The following TNFSF8 variants were observed in gnomAD, a reference collection of about 807,000 sequenced individuals.
TNFSF8 encodes tumor necrosis factor ligand superfamily member 8.
Under a neutral mutation model 22.0 loss-of-function variants are expected in TNFSF8, and 4 were observed. The observed-to-expected ratio is 0.18, with a 90% CI of 0.09 to 0.42. TNFSF8 has a LOEUF of 0.42. Ranked by LOEUF, TNFSF8 falls within the 10% of genes least tolerant of loss-of-function variation. The pLI, the probability that TNFSF8 is intolerant of heterozygous loss-of-function variation, is 1.00. For missense variants in TNFSF8, 233 were observed against 281.8 expected, an observed-to-expected ratio of 0.83 and a Z score of 1.24; for synonymous variants, 106 against 112.5, an observed-to-expected ratio of 0.94 and a Z score of 0.37.
chr9:114,915,900 T>C (rs1030435421), intron 2 of TNFSF8, among the ~76,000 whole-genome samples: 9 of 152,180 alleles, frequency 5.9e-5, no homozygotes, highest in South Asian at 2.1e-4. Context: ...TGTGGAAACA[T>C]TGAATTGTAA....
chr9:114,920,865 C>T (rs1012956911), intron 1 of TNFSF8, among the ~76,000 whole-genome samples: 2 of 152,104 alleles, frequency 1.3e-5, no homozygotes, highest in African/African-American at 2.4e-5. Flanking sequence ...GACGGGATTT[C>T]GCCATGTTGA....
intron 2 of TNFSF8, among the ~76,000 whole-genome samples, chr9:114,916,892 C>T (rs1421353159): frequency 6.6e-6 from 1 of 152,174 alleles, no homozygotes; most frequent in African/African-American, 2.4e-5. Context: ...TACTATGCTC[C>T]TTTTAATATT....
chr9:114,905,702 A>G lies in TNFSF8; in HGVS notation c.310+126T>C. The G allele has an allele frequency of 7.7e-6, 6 of 774,416 alleles. No homozygotes were observed. The South Asian group carries it at 8.8e-5, about 11-fold the overall frequency. The allele number at this position is 774,416 out of a possible 1,614,324, so 48.0% of individuals were successfully genotyped here. On this transcript the variant is annotated intron_variant, in intron 3 of 3. Coordinates refer to ENST00000223795, the MANE Select transcript of TNFSF8 (RefSeq NM_001244.4). Reference sequence around the variant, plus strand: ...ATTACAAAAAAATTTCCTGCAGACTAAACAGTACACATCTGCAGGTCACAT... The same window carrying G: ...ATTACAAAAAAATTTCCTGCAGACTGAACAGTACACATCTGCAGGTCACAT...
downstream of TNFSF8, among the ~76,000 whole-genome samples, chr9:114,897,828 G>A (rs565902184): frequency 6.6e-6 from 1 of 152,212 alleles, no homozygotes; most frequent in Non-Finnish European, 1.5e-5. Context: ...GAGACCTGGT[G>A]GAAAGAGCTT....
Position 114,901,669 on chromosome 9 carries a change from A to T in TNFSF8, c.*2262T>A. On this transcript the variant is annotated 3_prime_UTR_variant, in exon 4 of 4. Transcript: ENST00000223795. ...CCCTGTTTTTTTAGCCTTGAGTCTCAAAGTCTGTTTTGTTTTTTACCACAG... is the reference window on the plus strand; with the variant it reads ...CCCTGTTTTTTTAGCCTTGAGTCTCTAAGTCTGTTTTGTTTTTTACCACAG... 1 of 985,424 alleles carries T rather than the reference A, an allele frequency of 1.0e-6. No individual in the cohort carries two copies. The highest frequency in any genetic ancestry group is 1.7e-5 in the African/African-American group (1 of 57,358). The allele number at this position is 985,424 out of a possible 1,614,324, so 61.0% of individuals were successfully genotyped here.
chr9:114,898,347 A>AGT (rs1210806598), downstream of TNFSF8, among the ~76,000 whole-genome samples: 1 of 152,160 alleles, frequency 6.6e-6, no homozygotes, highest in East Asian at 1.9e-4. Context: ...TAAATAAGTG[A>AGT]GTGCAGGAAA....
intron 2 of TNFSF8, 76 bp downstream of exon 2, chr9:114,918,019 TG>T: frequency 7.0e-7 from 1 of 1,435,768 alleles, no homozygotes; most frequent in Non-Finnish European, 9.5e-7. Flanking sequence ...TGTTTCTGGT[TG>T]ATAATCAGGT....
Position 114,903,700 on chromosome 9 carries a change from T to C in TNFSF8, c.*231A>G. The C allele has an allele frequency of 8.0e-7, 1 of 1,254,750 alleles. No individual in the cohort carries two copies. Among genetic ancestry groups the C allele is most frequent in the Non-Finnish European group, 1.0e-6 (1 of 999,462 alleles). The allele number at this position is 1,254,750 out of a possible 1,614,324, so 77.7% of individuals were successfully genotyped here. A position where few individuals can be genotyped will look rare whatever the true frequency, so the allele number is the denominator to read the frequency against. On this transcript the variant is annotated 3_prime_UTR_variant, in exon 4 of 4. Transcript: ENST00000223795. ...TCCCTTCTGATTCTGTGTGGGGCTC[T>C]GCCCACCACACTACATTGCTTCCCT... is the stretch of plus-strand genomic sequence containing the variant.
chr9:114,926,845 A>T lies in TNFSF8; in HGVS notation c.195+3264T>A, dbSNP rs192808572. ...GTGGTTGGGTGGGGAAGGTGTGAAG[A>T]TTTTTACTTTCTTTTCTCTTATTTG... On this transcript the variant is annotated intron_variant, in intron 1 of 3. Coordinates refer to ENST00000223795, the MANE Select transcript of TNFSF8 (RefSeq NM_001244.4). Among the ~76,000 whole-genome samples, 8 of 151,664 alleles carry T rather than the reference A, an allele frequency of 5.3e-5. No individual in the cohort carries two copies. In the East Asian group the frequency reaches 1.5e-3, roughly 29 times the overall value.
Position 114,930,140 on chromosome 9 carries a change from G to A in TNFSF8, c.164C>T (p.Ala55Val). The A allele has an allele frequency of 6.3e-7, 1 of 1,576,026 alleles. No homozygotes were observed. Among genetic ancestry groups the A allele is most frequent in the Non-Finnish European group, 8.6e-7 (1 of 1,161,348 alleles). ...TLALCLVFTVATIMVLVVQRT... is the reference protein window; with the variant it reads ...TLALCLVFTVVTIMVLVVQRT... ...CTGAACGACCAACACCATAATAGTG[G>A]CCACCGTGAAGACAAGGCACAGAGC... Residue 55 changes from alanine (A) to valine (V), a missense_variant, in exon 1 of 4, where the codon GCC becomes GTC. Physicochemically the swap from Ala to Val is moderately conservative, Grantham distance 64. Coordinates refer to ENST00000223795, the MANE Select transcript of TNFSF8 (RefSeq NM_001244.4).
At chr9:114,925,347 G>A (rs1381699686) in intron 1 of TNFSF8, among the ~76,000 whole-genome samples, 5 of 152,126 alleles carry the variant, frequency 3.3e-5, no homozygotes, top group African/African-American at 1.2e-4. Context: ...CAGCCTTCAT[G>A]TAACCAAAAA....
intron 3 of TNFSF8, 118 bp from the exon 4 acceptor site, chr9:114,904,443 A>G (rs1827759906): frequency 2.2e-6 from 3 of 1,379,514 alleles, no homozygotes; most frequent in African/African-American, 2.9e-5. Flanking sequence ...TAATGTTCCA[A>G]TCATCTGAAT....
downstream of TNFSF8, chr9:114,901,023 C>A: frequency 5.3e-5 from 51 of 962,372 alleles, no homozygotes; most frequent in Non-Finnish European, 6.2e-5. Flanking sequence ...ACAAGTTCTG[C>A]AAGTACACTG....
At chr9:114,926,973 TTATAA>T (rs1407413696) in intron 1 of TNFSF8, among the ~76,000 whole-genome samples, 3 of 146,128 alleles carry the variant, frequency 2.1e-5, no homozygotes, top group South Asian at 2.1e-4. Context: ...AAATATTATT[TTATAA>T]TATAATATTT....
In TNFSF8 at chr9:114,901,808, G is replaced by A. The variant is rs190099454; in HGVS notation, c.*2123C>T. ...ACTTTACTAAATATTTCATAGAGGA[G>A]ACCTAGGAGGAGGTTGACACAGCAC... On this transcript the variant is annotated 3_prime_UTR_variant, in exon 4 of 4. Transcript: ENST00000223795. 9.3e-6 allele frequency: 9 copies of A among 972,628 alleles called. No homozygotes were observed. In the African/African-American group the frequency reaches 1.2e-4, roughly 13 times the overall value. The allele number at this position is 972,628 out of a possible 1,614,324, so 60.2% of individuals were successfully genotyped here.
rs1379226891 is a variant in TNFSF8, at chr9:114,894,129, TAG to T, written c.443_444del (p.Ser148TyrfsTer12). On this transcript the variant is annotated frameshift_variant, in exon 5 of 5. Transcript: ENST00000618336. LOFTEE classifies it high-confidence loss of function. ...CAGTGTCCCTTCCCAGAGTCCAGGG[TAG>T]AGTGTGAATGGTGGAGGATCATGCC... 6.5e-7 allele frequency: 1 copy of T among 1,535,106 alleles called. No individual in the cohort carries two copies. The highest frequency in any genetic ancestry group is 2.4e-5 in the East Asian group (1 of 40,912).
At chr9:114,894,038 G>C in exon 5 of TNFSF8, 1 of 1,482,262 alleles carries the variant, frequency 6.7e-7, no homozygotes, top group Admixed American at 2.0e-5. Context: ...CAGTGACCCA[G>C]GGTAGAAGCA....
intron 1 of TNFSF8, among the ~76,000 whole-genome samples, chr9:114,924,916 A>C (rs912388664): frequency 1.3e-5 from 2 of 152,074 alleles, no homozygotes; most frequent in African/African-American, 4.8e-5. Context: ...TCCTGGGAAG[A>C]TTTACAGTGG....
In TNFSF8 at chr9:114,930,398, T is replaced by A; in HGVS notation, c.-95A>T. On this transcript the variant is annotated 5_prime_UTR_variant, in exon 1 of 4. Transcript: ENST00000223795. Reference sequence around the variant, plus strand: ...TTCCAAGAAGGATTCTCCCCCTGAATCCTGAATCATGTGACTTGGAAAAAA... The same window carrying A: ...TTCCAAGAAGGATTCTCCCCCTGAAACCTGAATCATGTGACTTGGAAAAAA... The A allele has an allele frequency of 3.8e-6, 4 of 1,065,862 alleles. No homozygotes were observed. Among genetic ancestry groups the A allele is most frequent in the Non-Finnish European group, 5.0e-6 (4 of 798,002 alleles). 66.0% of individuals were successfully genotyped at this position (1,065,862 alleles called of 1,614,324 possible). A position where few individuals can be genotyped will look rare whatever the true frequency, so the allele number is the denominator to read the frequency against.
Sources: allele counts gnomAD v4.1 joint callset (sites outside exome capture counted in the v4.1 genomes callset), GRCh38; gene constraint gnomAD v4.1.1; transcripts MANE v1.5; gene names NCBI Gene and HGNC (gene_info 2026-07-23, HGNC 2026-07-21).